The following PIP4K2A variants were observed in gnomAD, a reference collection of about 807,000 sequenced individuals.
The protein encoded by PIP4K2A is phosphatidylinositol 5-phosphate 4-kinase type-2 alpha.
PIP4K2A carries 14 observed loss-of-function variants against 42.9 expected under a neutral mutation model. The ratio of observed to expected loss-of-function variants is 0.33; its 90% CI spans 0.22 to 0.51. The LOEUF (loss-of-function observed/expected upper bound fraction) is 0.51, where lower values mean the gene tolerates loss of function less well. Ranked by LOEUF, PIP4K2A falls within the 20% of genes least tolerant of loss-of-function variation. PIP4K2A has a pLI of 0.97. For synonymous variants in PIP4K2A, 192 were observed against 192.2 expected, an observed-to-expected ratio of 1.00 and a Z score of 0.01; for missense variants, 434 against 519.8, an observed-to-expected ratio of 0.83 and a Z score of 1.61.
chr10:22,581,939 C>T (rs894235348), intron 4 of PIP4K2A, among the ~76,000 whole-genome samples: 1 of 151,810 alleles, frequency 6.6e-6, no homozygotes, highest in African/African-American at 2.4e-5. Context: ...TGAGAAGACC[C>T]CATCTCTACA....
intron 7 of PIP4K2A, among the ~76,000 whole-genome samples, chr10:22,547,890 A>G (rs1836296143): frequency 6.6e-6 from 1 of 152,254 alleles, no homozygotes; most frequent in South Asian, 2.1e-4. Context: ...TAGGAATAGA[A>G]CAGGGCTGCT....
intron 1 of PIP4K2A, among the ~76,000 whole-genome samples, chr10:22,620,473 T>G (rs781500867): frequency 2.0e-5 from 3 of 152,232 alleles, no homozygotes; most frequent in Non-Finnish European, 2.9e-5. Flanking sequence ...TTGAGCAAAG[T>G]GCCCCAGCAC....
At chr10:22,680,352 T>C (rs1381114741) in intron 1 of PIP4K2A, among the ~76,000 whole-genome samples, 2 of 152,236 alleles carry the variant, frequency 1.3e-5, no homozygotes, top group Admixed American at 1.3e-4. Flanking sequence ...GGCCGAATTA[T>C]GAGTAATTTA....
intron 1 of PIP4K2A, among the ~76,000 whole-genome samples, chr10:22,676,150 T>A (rs77188780): frequency 1.5e-3 from 230 of 152,344 alleles, no homozygotes; most frequent in African/African-American, 5.3e-3. Flanking sequence ...TCTGTTTCCA[T>A]TGACAGCAGA....
chr10:22,616,530 T>C (rs1479818980), intron 1 of PIP4K2A, among the ~76,000 whole-genome samples: 1 of 152,150 alleles, frequency 6.6e-6, no homozygotes, highest in African/African-American at 2.4e-5. Flanking sequence ...ATAACTCACA[T>C]GAGTTACCTG....
intron 1 of PIP4K2A, among the ~76,000 whole-genome samples, chr10:22,671,188 A>G (rs1462832531): frequency 2.0e-5 from 3 of 152,174 alleles, no homozygotes; most frequent in Non-Finnish European, 4.4e-5. Context: ...ACACACACAT[A>G]TATCAGTCTA....
intron 5 of PIP4K2A, among the ~76,000 whole-genome samples, chr10:22,571,465 C>A (rs1836986385): frequency 6.6e-6 from 1 of 152,214 alleles, no homozygotes; most frequent in Non-Finnish European, 1.5e-5. Flanking sequence ...GGTGGTAACA[C>A]TGTTATGACT....
chr10:22,611,750 T>G (rs1337212428), intron 1 of PIP4K2A, among the ~76,000 whole-genome samples: 1 of 152,226 alleles, frequency 6.6e-6, no homozygotes, highest in African/African-American at 2.4e-5. Flanking sequence ...AATATCAAAG[T>G]TTGAAAAATA....
chr10:22,645,468 C>T (rs986592700), intron 1 of PIP4K2A, among the ~76,000 whole-genome samples: 5 of 151,062 alleles, frequency 3.3e-5, no homozygotes, highest in African/African-American at 1.2e-4. Flanking sequence ...ATCACTTGAG[C>T]CTGGGAGTTT....
chr10:22,692,231 G>A lies in PIP4K2A; in HGVS notation c.144+21952C>T, dbSNP rs192408702. Among the ~76,000 whole-genome samples, 24 of 152,004 alleles carry A rather than the reference G, an allele frequency of 1.6e-4. No homozygotes were observed. In the East Asian group the frequency reaches 4.2e-3, roughly 27 times the overall value. On this transcript the variant is annotated intron_variant, in intron 1 of 9. Coordinates refer to ENST00000376573, the MANE Select transcript of PIP4K2A (RefSeq NM_005028.5). ...GGAGTGAGTAACCTAGATTGCTCAC[G>A]TGTGCAGTTCACAATAGGGTTTGCG...
chr10:22,685,817 C>T (rs1839753828), intron 1 of PIP4K2A, among the ~76,000 whole-genome samples: 1 of 152,134 alleles, frequency 6.6e-6, no homozygotes, highest in Non-Finnish European at 1.5e-5. Flanking sequence ...GGTGCCATGC[C>T]CCTCACAGCA....
chr10:22,628,960 C>T (rs761482769), intron 1 of PIP4K2A, among the ~76,000 whole-genome samples: 13 of 152,246 alleles, frequency 8.5e-5, no homozygotes, highest in East Asian at 3.9e-4. Flanking sequence ...GGCCTGAACA[C>T]GTTTTTCAGG....
intron 2 of PIP4K2A, 55 bp downstream of exon 2, chr10:22,609,565 A>T (rs1837985269): frequency 4.1e-6 from 4 of 979,160 alleles, no homozygotes; most frequent in Non-Finnish European, 6.5e-6. Flanking sequence ...AAATTCACAA[A>T]ACTTGTACTC....
At chr10:22,630,365 G>A (rs1321536848) in intron 1 of PIP4K2A, among the ~76,000 whole-genome samples, 1 of 151,888 alleles carries the variant, frequency 6.6e-6, no homozygotes, top group Admixed American at 6.6e-5. Flanking sequence ...TAATCATGTG[G>A]TTTATATTTT....
chr10:22,546,114 C>A (rs560390628), intron 7 of PIP4K2A, among the ~76,000 whole-genome samples: 213 of 152,306 alleles, frequency 1.4e-3, no homozygotes, highest in Non-Finnish European at 2.5e-3. Context: ...TGGTCTCACT[C>A]GCCAGTTCCA....
intron 1 of PIP4K2A, among the ~76,000 whole-genome samples, chr10:22,624,823 C>T (rs1838402493): frequency 6.6e-6 from 1 of 152,160 alleles, no homozygotes; most frequent in South Asian, 2.1e-4. Context: ...AAAATATTTC[C>T]ACTGTTTTGT....
At chr10:22,664,077 GTATA>G (rs1258845687) in intron 1 of PIP4K2A, among the ~76,000 whole-genome samples, 1 of 37,764 alleles carries the variant, frequency 2.6e-5, no homozygotes, top group Non-Finnish European at 4.5e-5. Context: ...ATATATATAC[GTATA>G]TATATATACA....
chr10:22,657,497 T>C (rs1221918318), intron 1 of PIP4K2A, among the ~76,000 whole-genome samples: 1 of 152,224 alleles, frequency 6.6e-6, no homozygotes, highest in Non-Finnish European at 1.5e-5. Flanking sequence ...TTTGGATTTT[T>C]CTTTTCACCT....
intron 1 of PIP4K2A, among the ~76,000 whole-genome samples, chr10:22,694,933 T>C (rs1393365681): frequency 6.6e-6 from 1 of 152,234 alleles, no homozygotes; most frequent in Non-Finnish European, 1.5e-5. Context: ...TTTATCTAAC[T>C]GGTGGACAGT....
Sources: gnomAD v4.1 joint callset for allele counts (sites outside exome capture counted in the v4.1 genomes callset) on GRCh38, gnomAD v4.1.1 for gene constraint, MANE v1.5 for transcripts, NCBI Gene and HGNC (gene_info 2026-07-23, HGNC 2026-07-21) for gene names.